The following FRMD4A variants were observed in gnomAD, a reference collection of about 807,000 sequenced individuals.
The protein encoded by FRMD4A is FERM domain containing 4A.
FRMD4A carries 29 observed loss-of-function variants against 129.1 expected under a neutral mutation model. The observed-to-expected ratio is 0.22, with a 90% confidence interval of 0.17 to 0.31. The LOEUF is 0.31. FRMD4A is among the 10% of genes least tolerant of loss of function. The pLI, the probability that FRMD4A is intolerant of heterozygous loss-of-function variation, is 1.00. For synonymous variants in FRMD4A, 634 were observed against 571.6 expected (o/e 1.11, Z -1.56); for missense variants, 1,272 against 1,375.8 (o/e 0.92, Z 1.19).
chr10:13,824,363 C>T (rs1041465950), intron 3 of FRMD4A, among the ~76,000 whole-genome samples: 11 of 148,204 alleles, frequency 7.4e-5, no homozygotes, highest in Non-Finnish European at 1.2e-4. Context: ...CATGGTGGCA[C>T]GTGCCTATGA....
chr10:13,854,542 T>A (rs1455867228), intron 3 of FRMD4A, among the ~76,000 whole-genome samples: 1 of 151,786 alleles, frequency 6.6e-6, no homozygotes, highest in African/African-American at 2.4e-5. Context: ...TGTCTCATCT[T>A]CCCAAGTAGC....
chr10:13,654,837 C>A (rs1277128157), intron 22 of FRMD4A: 1 of 383,942 alleles, frequency 2.6e-6, no homozygotes, highest in Admixed American at 4.2e-5. Flanking sequence ...GTGACGGTTT[C>A]TACAGCAGCA....
At chr10:13,757,494 C>T (rs913802711) in intron 8 of FRMD4A, among the ~76,000 whole-genome samples, 1 of 152,216 alleles carries the variant, frequency 6.6e-6, no homozygotes, top group Non-Finnish European at 1.5e-5. Flanking sequence ...AGATAACAGT[C>T]ATTTTCTCTC....
chr10:13,682,959 T>C (rs2084745870), intron 15 of FRMD4A, among the ~76,000 whole-genome samples: 1 of 152,188 alleles, frequency 6.6e-6, no homozygotes, highest in Non-Finnish European at 1.5e-5. Flanking sequence ...TAAACCTGTG[T>C]AGAAAGCAGT....
chr10:13,915,337 A>G (rs1467015520), intron 2 of FRMD4A, among the ~76,000 whole-genome samples: 2 of 151,834 alleles, frequency 1.3e-5, no homozygotes, highest in East Asian at 1.9e-4. Context: ...GTGCTGGTGC[A>G]TGGAAGGAGG....
intron 2 of FRMD4A, among the ~76,000 whole-genome samples, chr10:13,923,326 A>T (rs908786945): frequency 1.3e-5 from 2 of 152,222 alleles, no homozygotes; most frequent in East Asian, 3.8e-4. Flanking sequence ...CATGACCGTT[A>T]TGATGTCAAG....
intron 2 of FRMD4A, among the ~76,000 whole-genome samples, chr10:14,134,427 G>A (rs1839427172): frequency 6.6e-6 from 1 of 151,778 alleles, no homozygotes; most frequent in South Asian, 2.1e-4. Flanking sequence ...GGGATAGGTG[G>A]ATGAATGGAT....
At chr10:13,863,756 T>TA (rs1218541530) in intron 2 of FRMD4A, among the ~76,000 whole-genome samples, 1 of 150,944 alleles carries the variant, frequency 6.6e-6, no homozygotes, top group Non-Finnish European at 1.5e-5. Flanking sequence ...TATGTTACTT[T>TA]TTTTTTCAGT....
chr10:13,703,120 C>T (rs530692883), intron 13 of FRMD4A, among the ~76,000 whole-genome samples: 8 of 152,030 alleles, frequency 5.3e-5, no homozygotes, highest in Non-Finnish European at 1.2e-4. Context: ...CCCAGAAAAG[C>T]TGAATTAGAC....
intron 2 of FRMD4A, among the ~76,000 whole-genome samples, chr10:14,278,479 A>G (rs1328853065): frequency 1.3e-5 from 2 of 152,218 alleles, no homozygotes; most frequent in Non-Finnish European, 2.9e-5. Flanking sequence ...TGAAAATTCA[A>G]CAATTCTCCC....
At position 13,684,233 on chromosome 10, in the gene FRMD4A, T is replaced by C. The variant is rs536986599; in HGVS notation, c.1118-9189A>G. On this transcript the variant is annotated intron_variant, in intron 15 of 24. Coordinates refer to ENST00000357447, the MANE Select transcript of FRMD4A (RefSeq NM_018027.5). ...AAGGATTTTCATTGAACTAGTTCAC[T>C]AATAATCTGGCCAACGAGGAAGACA... 1.7e-4 allele frequency: 119 copies of C among 692,798 alleles called. No individual in the cohort carries two copies. The Middle Eastern group carries it at 4.4e-3, about 25-fold the overall frequency. The allele number at this position is 692,798 out of a possible 1,614,324, so 42.9% of individuals were successfully genotyped here.
At chr10:14,104,710 C>A (rs958359695) in intron 2 of FRMD4A, among the ~76,000 whole-genome samples, 2 of 152,248 alleles carry the variant, frequency 1.3e-5, no homozygotes, top group African/African-American at 4.8e-5. Flanking sequence ...GAGGTTAGAG[C>A]AAGGGAAATT....
chr10:13,886,042 G>A (rs932163416), intron 2 of FRMD4A, among the ~76,000 whole-genome samples: 9 of 152,154 alleles, frequency 5.9e-5, no homozygotes, highest in East Asian at 3.8e-4. Flanking sequence ...GTCTAGCTCT[G>A]GAGGACCCAC....
intron 14 of FRMD4A, among the ~76,000 whole-genome samples, chr10:13,695,485 G>A (rs1472598383): frequency 6.6e-6 from 1 of 152,156 alleles, no homozygotes; most frequent in Admixed American, 6.5e-5. Context: ...TTCTACCTTC[G>A]GTAGTGACAA....
intron 2 of FRMD4A, among the ~76,000 whole-genome samples, chr10:14,251,704 AGGGTTTACGTG>A (rs1844446938): frequency 6.6e-6 from 1 of 152,350 alleles, no homozygotes; most frequent in South Asian, 2.1e-4. Flanking sequence ...TGAGTGGCTC[AGGGTTTACGTG>A]GGCCCTGGAG....
At chr10:13,946,822 C>T (rs1324238948) in intron 2 of FRMD4A, among the ~76,000 whole-genome samples, 5 of 152,154 alleles carry the variant, frequency 3.3e-5, no homozygotes, top group Non-Finnish European at 5.9e-5. Context: ...GTCTATCTCT[C>T]GATGCCTGTC....
chr10:14,259,154 A>G (rs1398800989), intron 2 of FRMD4A, among the ~76,000 whole-genome samples: 2 of 152,226 alleles, frequency 1.3e-5, no homozygotes, highest in African/African-American at 2.4e-5. Context: ...CTATACATTA[A>G]TTATGCCTTG....
At chr10:13,670,810 T>C (rs60944493) in intron 16 of FRMD4A, among the ~76,000 whole-genome samples, 4,803 of 152,356 alleles carry the variant, frequency 0.032, 207 homozygotes, top group African/African-American at 0.092. Context: ...ACTTTCATTA[T>C]AAAACTTGAA....
intron 12 of FRMD4A, chr10:13,707,553 G>A (rs2087591228): frequency 1.0e-6 from 1 of 998,754 alleles, no homozygotes; most frequent in African/African-American, 1.7e-5. Flanking sequence ...AGCCATCTGC[G>A]TGGAGTGCTG....
Sources: gnomAD v4.1 joint callset for allele counts (sites outside exome capture counted in the v4.1 genomes callset) on GRCh38, gnomAD v4.1.1 for gene constraint, MANE v1.5 for transcripts, NCBI Gene and HGNC (gene_info 2026-07-23, HGNC 2026-07-21) for gene names.